The following KCNC2 variants were observed in gnomAD, a reference collection of about 807,000 sequenced individuals.
KCNC2 encodes potassium voltage-gated channel subfamily C member 2.
In KCNC2, 21 loss-of-function variants were observed where a neutral mutation model predicts 44.5. The ratio of observed to expected loss-of-function variants is 0.47; its 90% CI spans 0.33 to 0.68. The LOEUF is 0.68. Among genes scored for constraint, KCNC2 ranks in the 30% least tolerant of loss-of-function variants. The pLI, the probability that KCNC2 is intolerant of heterozygous loss-of-function variation, is 0.01. For synonymous variants in KCNC2, 391 were observed against 339.1 expected, an observed-to-expected ratio of 1.15 and a Z score of -1.68; for missense variants, 589 against 826.2, an observed-to-expected ratio of 0.71 and a Z score of 3.52.
intron 2 of KCNC2, among the ~76,000 whole-genome samples, chr12:75,099,438 G>T (rs1168271931): frequency 6.6e-6 from 1 of 152,158 alleles, no homozygotes; most frequent in Non-Finnish European, 1.5e-5. Context: ...AGCCCTGTGA[G>T]AGTGGAATTC....
chr12:75,071,324 A>G (rs1293067172), intron 2 of KCNC2, among the ~76,000 whole-genome samples: 2 of 152,156 alleles, frequency 1.3e-5, no homozygotes, highest in Non-Finnish European at 2.9e-5. Flanking sequence ...CTTATGTTTC[A>G]TCTCTCCTTC....
intron 2 of KCNC2, among the ~76,000 whole-genome samples, chr12:75,054,779 G>A (rs1426480021): frequency 6.6e-6 from 1 of 152,152 alleles, no homozygotes. Context: ...AAGGTACAGA[G>A]TTTCCCATGG....
At chr12:75,067,730 T>C (rs1882978472) in intron 2 of KCNC2, among the ~76,000 whole-genome samples, 1 of 152,170 alleles carries the variant, frequency 6.6e-6, no homozygotes, top group Admixed American at 6.5e-5. Flanking sequence ...GGAGAATGTG[T>C]TCAAGAGCAG....
chr12:75,075,246 T>G (rs927874752), intron 2 of KCNC2, among the ~76,000 whole-genome samples: 1 of 151,958 alleles, frequency 6.6e-6, no homozygotes, highest in Non-Finnish European at 1.5e-5. Flanking sequence ...AACTTAATCT[T>G]GTTTTATCCA....
intron 2 of KCNC2, among the ~76,000 whole-genome samples, chr12:75,082,244 A>T (rs1565838351): frequency 6.6e-6 from 1 of 151,874 alleles, no homozygotes; most frequent in South Asian, 2.1e-4. Flanking sequence ...AAAGATGTAT[A>T]AGAAGGGATT....
chr12:75,108,984 T>C lies in KCNC2; in HGVS notation c.688-57667A>G, dbSNP rs1031065745. Among the ~76,000 whole-genome samples, 5 of 152,182 alleles carry C rather than the reference T, an allele frequency of 3.3e-5. No homozygotes were observed. The East Asian group carries it at 9.6e-4, about 29-fold the overall frequency. The stretch of plus-strand genomic sequence containing the variant: ...TAAGTTGAAAAGTAAGAGAGTTATA[T>C]ACTAGAAGATACAAACAAACCTTAG... On this transcript the variant is annotated intron_variant, in intron 2 of 4. Transcript: ENST00000549446.
chr12:75,179,763 C>CGTTTT (rs1565668827), intron 2 of KCNC2, among the ~76,000 whole-genome samples: 7,189 of 97,786 alleles, frequency 0.074, 22 homozygotes, highest in Middle Eastern at 0.19. Context: ...TTTATAAAAA[C>CGTTTT]TATAAAAGAT....
intron 2 of KCNC2, among the ~76,000 whole-genome samples, chr12:75,195,391 A>G (rs931286646): frequency 1.3e-5 from 2 of 152,202 alleles, no homozygotes; most frequent in Non-Finnish European, 2.9e-5. Flanking sequence ...ACCAAATATT[A>G]TAGTGTTAAA....
chr12:75,058,805 C>G (rs868499499), intron 2 of KCNC2, among the ~76,000 whole-genome samples: 18 of 152,110 alleles, frequency 1.2e-4, no homozygotes, highest in South Asian at 2.1e-4. Context: ...AACATAATCC[C>G]CAGGTAGCCA....
At chr12:75,078,807 C>T (rs1273042088) in intron 2 of KCNC2, among the ~76,000 whole-genome samples, 2 of 152,118 alleles carry the variant, frequency 1.3e-5, no homozygotes, top group Non-Finnish European at 2.9e-5. Context: ...TTAATGTAAT[C>T]TACATTCTTG....
intron 2 of KCNC2, among the ~76,000 whole-genome samples, chr12:75,173,987 TG>T (rs1892005312): frequency 1.3e-5 from 2 of 151,872 alleles, no homozygotes; most frequent in South Asian, 4.1e-4. Flanking sequence ...ATCTATTTCA[TG>T]GCATGTCATT....
intron 4 of KCNC2, 103 bp downstream of exon 4, chr12:75,048,050 G>A: frequency 9.7e-7 from 1 of 1,032,054 alleles, no homozygotes; most frequent in Non-Finnish European, 1.5e-6. Flanking sequence ...ACTGTACGCA[G>A]TCTTTCCTAG....
chr12:75,115,985 C>T (rs1384680601), intron 2 of KCNC2, among the ~76,000 whole-genome samples: 1 of 152,164 alleles, frequency 6.6e-6, no homozygotes, highest in Non-Finnish European at 1.5e-5. Context: ...CTTGAGCTCC[C>T]TGCAGTGCCT....
chr12:75,045,312 G>C (rs546587015), intron 4 of KCNC2, among the ~76,000 whole-genome samples: 8 of 151,914 alleles, frequency 5.3e-5, no homozygotes, highest in African/African-American at 1.9e-4. Flanking sequence ...ATAAAACTTG[G>C]TTGCCATTCT....
chr12:75,069,965 G>C (rs769377294), intron 2 of KCNC2, among the ~76,000 whole-genome samples: 3 of 152,096 alleles, frequency 2.0e-5, no homozygotes, highest in African/African-American at 4.8e-5. Context: ...TAACAGGATC[G>C]AATTGGCTCC....
chr12:75,127,559 G>A (rs1217246329), intron 2 of KCNC2, among the ~76,000 whole-genome samples: 3 of 152,106 alleles, frequency 2.0e-5, no homozygotes, highest in Non-Finnish European at 2.9e-5. Context: ...GGGCCAGGAG[G>A]CAAATAAAGG....
rs200057599 is a variant in KCNC2 at position 75,042,273 on chromosome 12, C to A, written c.*832G>T. ...GGCTAAACAATGCAAGCCTGGCTGG[C>A]AGTTACCTTTCTCTCATGTTTTGTG... is the stretch of plus-strand genomic sequence containing the variant. On this transcript the variant is annotated 3_prime_UTR_variant, in exon 5 of 5. Transcript: ENST00000549446. 2.5e-6 allele frequency: 4 copies of A among 1,607,864 alleles called. No homozygotes were observed. Among genetic ancestry groups the A allele is most frequent in the Non-Finnish European group, 3.4e-6 (4 of 1,177,074 alleles).
At chr12:75,190,353 C>T (rs953515987) in intron 2 of KCNC2, among the ~76,000 whole-genome samples, 2 of 152,052 alleles carry the variant, frequency 1.3e-5, no homozygotes, top group African/African-American at 4.8e-5. Flanking sequence ...CTTAAACACC[C>T]CTTATCTCCT....
chr12:75,053,655 G>A (rs1881426685), intron 2 of KCNC2, among the ~76,000 whole-genome samples: 1 of 150,798 alleles, frequency 6.6e-6, no homozygotes. Context: ...TAGCTTTTAA[G>A]TACTTTGTAA....
Sources: allele counts gnomAD v4.1 joint callset (sites outside exome capture counted in the v4.1 genomes callset), GRCh38; gene constraint gnomAD v4.1.1; transcripts MANE v1.5; gene names NCBI Gene and HGNC (gene_info 2026-07-23, HGNC 2026-07-21).